The following ABI2 variants were observed in gnomAD, a reference collection of about 807,000 sequenced individuals.
ABI2 encodes abelson interactor 2.
A neutral mutation model predicts 59.2 loss-of-function variants in ABI2; 25 were observed. The observed-to-expected ratio is 0.42, with a 90% CI of 0.31 to 0.59. The LOEUF (loss-of-function observed/expected upper bound fraction) is 0.59, where lower values mean the gene tolerates loss of function less well. Among genes scored for constraint, ABI2 ranks in the 20% least tolerant of loss-of-function variants. ABI2 has a pLI of 0.14. For synonymous variants in ABI2, 213 were observed against 235.5 expected, an observed-to-expected ratio of 0.90 and a Z score of 0.87; for missense variants, 545 against 681.8, an observed-to-expected ratio of 0.80 and a Z score of 2.23.
chr2:203,396,740 G>T (rs1276128280), intron 7 of ABI2, 45 bp from the exon 8 acceptor site: 1 of 1,474,446 alleles, frequency 6.8e-7, no homozygotes, highest in Admixed American at 2.3e-5. Context: ...CCTGCCTCAT[G>T]TGATTGCCTC....
At chr2:203,352,114 A>G (rs2089067616) in intron 1 of ABI2, among the ~76,000 whole-genome samples, 1 of 152,146 alleles carries the variant, frequency 6.6e-6, no homozygotes, top group South Asian at 2.1e-4. Context: ...AAGTACAATA[A>G]TAAAGACACT....
chr2:203,383,165 G>A (rs1315122791), intron 4 of ABI2: 3 of 154,624 alleles, frequency 1.9e-5, no homozygotes, highest in African/African-American at 7.2e-5. Context: ...AGTGTAGAAA[G>A]TGATGACAAG....
At chr2:203,392,258 C>T (rs1380154977) in intron 5 of ABI2, among the ~76,000 whole-genome samples, 2 of 151,232 alleles carry the variant, frequency 1.3e-5, no homozygotes, top group East Asian at 3.9e-4. Flanking sequence ...TTTTTGGCTT[C>T]CTCAGCACCA....
intron 1 of ABI2, among the ~76,000 whole-genome samples, chr2:203,332,652 C>T (rs2074384487): frequency 6.6e-6 from 1 of 152,044 alleles, no homozygotes; most frequent in Non-Finnish European, 1.5e-5. Flanking sequence ...ACATATAATG[C>T]CTAATATGTT....
At chr2:203,420,396 C>CTT (rs59111250) in intron 11 of ABI2, among the ~76,000 whole-genome samples, 1 of 140,516 alleles carries the variant, frequency 7.1e-6, no homozygotes, top group African/African-American at 2.6e-5. Context: ...GTGACAGTCC[C>CTT]TTTTTTTTTT....
chr2:203,401,660 AT>A (rs2097224271), intron 8 of ABI2, among the ~76,000 whole-genome samples: 1 of 152,158 alleles, frequency 6.6e-6, no homozygotes, highest in Non-Finnish European at 1.5e-5. Flanking sequence ...TTATATCTTA[AT>A]TTTTTTCATG....
At chr2:203,364,586 T>C (rs2094116884) in intron 1 of ABI2, among the ~76,000 whole-genome samples, 1 of 152,188 alleles carries the variant, frequency 6.6e-6, no homozygotes, top group Non-Finnish European at 1.5e-5. Flanking sequence ...AATAACTTTT[T>C]GACGAGCATG....
chr2:203,358,506 A>T (rs1301508554), intron 1 of ABI2, among the ~76,000 whole-genome samples: 1 of 152,136 alleles, frequency 6.6e-6, no homozygotes, highest in Non-Finnish European at 1.5e-5. Flanking sequence ...TTATTAATTA[A>T]ACCATGTGAA....
At chr2:203,420,506 G>A (rs1019118494) in intron 11 of ABI2, among the ~76,000 whole-genome samples, 3 of 151,094 alleles carry the variant, frequency 2.0e-5, no homozygotes, top group Admixed American at 6.6e-5. Context: ...CCATTCTCCT[G>A]CCTCAGCCTC....
intron 1 of ABI2, among the ~76,000 whole-genome samples, chr2:203,343,341 AC>A (rs2081170933): frequency 6.6e-6 from 1 of 152,200 alleles, no homozygotes; most frequent in South Asian, 2.1e-4. Context: ...TCTAGCCTGG[AC>A]GACAGCGAGA....
chr2:203,421,791 C>G (rs2098218764), intron 11 of ABI2, among the ~76,000 whole-genome samples: 1 of 151,928 alleles, frequency 6.6e-6, no homozygotes, highest in Admixed American at 6.6e-5. Flanking sequence ...TGGTGAAACC[C>G]CACCTCTACT....
At chr2:203,410,138 A>G (rs559165628) in intron 9 of ABI2, among the ~76,000 whole-genome samples, 3 of 152,178 alleles carry the variant, frequency 2.0e-5, no homozygotes, top group Non-Finnish European at 4.4e-5. Flanking sequence ...CCCTTCTTCA[A>G]GTCCCTGCTG....
At chr2:203,421,557 C>T (rs1174773470) in intron 11 of ABI2, among the ~76,000 whole-genome samples, 2 of 152,034 alleles carry the variant, frequency 1.3e-5, no homozygotes, top group African/African-American at 4.8e-5. Flanking sequence ...AGACAGTGCA[C>T]CACTGTGCTT....
At chr2:203,423,351 TTATAGTG>T (rs1396202933) in intron 11 of ABI2, among the ~76,000 whole-genome samples, 1 of 152,164 alleles carries the variant, frequency 6.6e-6, no homozygotes, top group Non-Finnish European at 1.5e-5. Flanking sequence ...CTCCAGGAGT[TTATAGTG>T]TAGAGAGTTT....
At chr2:203,338,934 GTA>G (rs1292898900) in intron 1 of ABI2, among the ~76,000 whole-genome samples, 161 of 5,096 alleles carry the variant, frequency 0.032, 1 homozygote, top group East Asian at 0.055. Flanking sequence ...GTGTGTATAT[GTA>G]TATATATATA....
At chr2:203,337,597 A>T (rs888157618) in intron 1 of ABI2, among the ~76,000 whole-genome samples, 1 of 152,224 alleles carries the variant, frequency 6.6e-6, no homozygotes, top group Admixed American at 6.5e-5. Flanking sequence ...TGCAATCTCT[A>T]TCAATATTCC....
chr2:203,396,290 T>C (rs1017657945), intron 7 of ABI2, among the ~76,000 whole-genome samples: 2 of 152,200 alleles, frequency 1.3e-5, no homozygotes, highest in African/African-American at 4.8e-5. Context: ...CAAAATACAT[T>C]AATAGAATGT....
intron 9 of ABI2, among the ~76,000 whole-genome samples, chr2:203,408,406 G>GC (rs1208731237): frequency 4.6e-5 from 7 of 150,762 alleles, no homozygotes; most frequent in African/African-American, 7.3e-5. Context: ...CAGGTGATGC[G>GC]CCCCCCTCGG....
At chr2:203,392,263 G>GCACCACCAC (rs1456935221) in intron 5 of ABI2, among the ~76,000 whole-genome samples, 1 of 145,520 alleles carries the variant, frequency 6.9e-6, no homozygotes, top group Non-Finnish European at 1.5e-5. Context: ...GGCTTCCTCA[G>GCACCACCAC]CACCACCACC....
Sources: gnomAD v4.1 joint callset for allele counts (sites outside exome capture counted in the v4.1 genomes callset) on GRCh38, gnomAD v4.1.1 for gene constraint, MANE v1.5 for transcripts, NCBI Gene and HGNC (gene_info 2026-07-23, HGNC 2026-07-21) for gene names.